The following ACER3 variants were observed in gnomAD, a reference collection of about 807,000 sequenced individuals.
ACER3 encodes the protein alkaline ceramidase 3, also known as alkCDase 3.
ACER3 carries 16 observed loss-of-function variants against 48.9 expected under a neutral mutation model. The ratio of observed to expected loss-of-function variants is 0.33; its 90% CI spans 0.22 to 0.50. The LOEUF is 0.50. Among genes scored for constraint, ACER3 ranks in the 20% least tolerant of loss-of-function variants. The pLI is 0.98. For missense variants in ACER3, 227 were observed against 326.0 expected, an observed-to-expected ratio of 0.70 and a Z score of 2.34; for synonymous variants, 109 against 107.8, an observed-to-expected ratio of 1.01 and a Z score of -0.07.
chr11:76,893,807 C>G (rs1026963322), intron 1 of ACER3, among the ~76,000 whole-genome samples: 3 of 152,180 alleles, frequency 2.0e-5, no homozygotes, highest in African/African-American at 7.2e-5. Context: ...TAAATTCAAA[C>G]TACCTTTTTT....
intron 1 of ACER3, among the ~76,000 whole-genome samples, chr11:76,867,468 CAAAAAAAAAAAAAAAAAA>C (rs1156610809): frequency 3.1e-4 from 6 of 19,638 alleles, no homozygotes; most frequent in Non-Finnish European, 3.9e-4. Context: ...GACTCTGTCT[CAAAAAAAAAAAAAAAAAA>C]AAAAAAAAAA....
intron 2 of ACER3, among the ~76,000 whole-genome samples, chr11:76,941,896 TTTA>T (rs971728481): frequency 2.0e-5 from 3 of 152,022 alleles, no homozygotes; most frequent in Non-Finnish European, 2.9e-5. Context: ...TTCTAGGTAT[TTTA>T]TTATTATTAT....
chr11:76,961,787 T>C (rs1004025486), intron 3 of ACER3, among the ~76,000 whole-genome samples: 2 of 143,414 alleles, frequency 1.4e-5, no homozygotes, highest in Non-Finnish European at 1.5e-5. Flanking sequence ...TAATAAATGA[T>C]GTATTAAATG....
At chr11:76,935,668 A>G (rs1947158778) in intron 2 of ACER3, among the ~76,000 whole-genome samples, 1 of 152,234 alleles carries the variant, frequency 6.6e-6, no homozygotes, top group Non-Finnish European at 1.5e-5. Flanking sequence ...ATAGAAAAAC[A>G]GTTTTAAACC....
intron 1 of ACER3, among the ~76,000 whole-genome samples, chr11:76,885,212 G>T (rs1473628257): frequency 6.6e-6 from 1 of 152,046 alleles, no homozygotes; most frequent in Non-Finnish European, 1.5e-5. Context: ...TAATTTAAAG[G>T]TGCCTGGGAT....
Position 77,019,772 on chromosome 11 carries a change from T to G in ACER3, c.746T>G (p.Val249Gly). The G allele has an allele frequency of 6.2e-7, 1 of 1,613,762 alleles. No individual in the cohort carries two copies. Among genetic ancestry groups the G allele is most frequent in the Non-Finnish European group, 8.5e-7 (1 of 1,179,786 alleles). Residue 249 changes from valine to glycine, a missense_variant, in exon 10 of 11, where the codon GTG becomes GGG. This residue lies in a region of ACER3 where 195 missense variants were observed against 290.8 expected (regional missense o/e 0.67). Transcript: ENST00000532485. ...CTTTACCTGAGATATAGGCCAAAAGTGAAGGTAAGTCCACTTCCTAGGTCC... is the reference window on the plus strand; with the variant it reads ...CTTTACCTGAGATATAGGCCAAAAGGGAAGGTAAGTCCACTTCCTAGGTCC... ...RTLYLRYRPK[V>G]KFLFGIWPVI...
intron 1 of ACER3, among the ~76,000 whole-genome samples, chr11:76,884,311 C>A (rs1302431300): frequency 6.6e-6 from 1 of 152,082 alleles, no homozygotes; most frequent in Non-Finnish European, 1.5e-5. Context: ...CATTTATTTC[C>A]CTTTTCTCAG....
At chr11:76,916,109 T>G (rs1315406994) in intron 1 of ACER3, among the ~76,000 whole-genome samples, 2 of 152,230 alleles carry the variant, frequency 1.3e-5, no homozygotes, top group Non-Finnish European at 2.9e-5. Flanking sequence ...GCATTCATGA[T>G]TTTTGACTGA....
intron 1 of ACER3, among the ~76,000 whole-genome samples, chr11:76,906,608 G>A (rs1408466055): frequency 6.6e-6 from 1 of 152,172 alleles, no homozygotes; most frequent in African/African-American, 2.4e-5. Context: ...CCTCACATCA[G>A]TTAAAATCTT....
intron 1 of ACER3, among the ~76,000 whole-genome samples, chr11:76,920,567 T>A (rs897543248): frequency 6.6e-6 from 1 of 152,146 alleles, no homozygotes; most frequent in East Asian, 1.9e-4. Context: ...TGTCTCTCCT[T>A]ACTCTTATAA....
chr11:76,964,669 C>G (rs1948089821), intron 3 of ACER3, among the ~76,000 whole-genome samples: 2 of 151,416 alleles, frequency 1.3e-5, no homozygotes, highest in East Asian at 3.9e-4. Context: ...ATCCTCTGTT[C>G]TGCAGCCACC....
At chr11:76,861,924 TG>T (rs1269356076) in intron 1 of ACER3, among the ~76,000 whole-genome samples, 1 of 152,238 alleles carries the variant, frequency 6.6e-6, no homozygotes, top group Non-Finnish European at 1.5e-5. Flanking sequence ...CTGGTCAGGT[TG>T]GGCTTGTTCT....
intron 1 of ACER3, among the ~76,000 whole-genome samples, chr11:76,883,375 C>G (rs572920757): frequency 1.1e-3 from 162 of 148,706 alleles, no homozygotes; most frequent in Non-Finnish European, 2.1e-3. Context: ...AATAGGTGAT[C>G]TAAAATCTTT....
intron 1 of ACER3, among the ~76,000 whole-genome samples, chr11:76,870,157 T>C (rs997210839): frequency 4.7e-5 from 7 of 147,516 alleles, no homozygotes; most frequent in Non-Finnish European, 9.0e-5. Flanking sequence ...CCACCACACC[T>C]GACTAATTTT....
chr11:76,910,180 G>A (rs540506918), intron 1 of ACER3, among the ~76,000 whole-genome samples: 59 of 152,040 alleles, frequency 3.9e-4, no homozygotes, highest in African/African-American at 1.3e-3. Context: ...GTAGATGACC[G>A]GTTGATAGGT....
intron 7 of ACER3, among the ~76,000 whole-genome samples, chr11:77,003,174 A>G (rs1949068299): frequency 6.6e-6 from 1 of 152,234 alleles, no homozygotes; most frequent in Non-Finnish European, 1.5e-5. Context: ...AGAAAAATAA[A>G]ATTACAGGTT....
At chr11:76,883,606 G>C (rs1370763000) in intron 1 of ACER3, among the ~76,000 whole-genome samples, 1 of 151,798 alleles carries the variant, frequency 6.6e-6, no homozygotes, top group Non-Finnish European at 1.5e-5. Context: ...TACCACGCTT[G>C]GCTAATTTTC....
At chr11:77,008,191 T>C (rs1349659124) in intron 7 of ACER3, among the ~76,000 whole-genome samples, 3 of 152,220 alleles carry the variant, frequency 2.0e-5, no homozygotes, top group African/African-American at 7.2e-5. Context: ...TTGTCTTATA[T>C]ATAATGCCCA....
At position 77,016,807 on chromosome 11, in the gene ACER3, GTAC is replaced by G. The variant is rs782703027; in HGVS notation, c.704+31_704+33del. 1.1e-5 allele frequency: 14 copies of G among 1,246,644 alleles called. No individual in the cohort carries two copies. The East Asian group carries it at 2.4e-4, about 21-fold the overall frequency. The allele number at this position is 1,246,644 out of a possible 1,614,324, so 77.2% of individuals were successfully genotyped here. A position where few individuals can be genotyped will look rare whatever the true frequency, so the allele number is the denominator to read the frequency against. On this transcript the variant is annotated intron_variant, in intron 9 of 10. Transcript: ENST00000532485. Reference sequence around the variant, plus strand: ...AGGAAATAGAGACTTTTTTAGCCTCGTACTAGAGTTTGTTGTTTTTTTTTTTCT... The same window carrying G: ...AGGAAATAGAGACTTTTTTAGCCTCGTAGAGTTTGTTGTTTTTTTTTTTCT...
Sources: allele counts gnomAD v4.1 joint callset (sites outside exome capture counted in the v4.1 genomes callset), GRCh38; gene constraint gnomAD v4.1.1; regional missense constraint gnomAD v4.1.1; transcripts MANE v1.5; gene names NCBI Gene and HGNC (gene_info 2026-07-23, HGNC 2026-07-21).